Variants in CHRNA9 observed in about 807,000 individuals in gnomAD.
The protein encoded by CHRNA9 is neuronal acetylcholine receptor subunit alpha-9.
A neutral mutation model predicts 36.8 loss-of-function variants in CHRNA9; 24 were observed. The observed-to-expected ratio is 0.65, with a 90% CI of 0.47 to 0.92. The LOEUF is 0.92. CHRNA9 is among the 40% of genes least tolerant of loss of function. The probability of loss-of-function intolerance (pLI) is 0.00; values close to 1 mark genes in which losing one functional copy is unlikely to be tolerated. For synonymous variants in CHRNA9, 231 were observed against 231.8 expected (o/e 1.00, Z 0.03); for missense variants, 610 against 601.2 (o/e 1.01, Z -0.15).
intron 4 of CHRNA9, among the ~76,000 whole-genome samples, chr4:40,353,319 C>T (rs769956690): frequency 1.5e-4 from 23 of 152,164 alleles, no homozygotes; most frequent in Non-Finnish European, 3.2e-4. Context: ...GGCGAAACCC[C>T]CTCTCTACTA....
chr4:40,339,287 A>G (rs1051612435), intron 3 of CHRNA9, among the ~76,000 whole-genome samples: 3 of 150,402 alleles, frequency 2.0e-5, no homozygotes, highest in African/African-American at 7.3e-5. Flanking sequence ...CTCAAAAAAA[A>G]AAAAAAAAAA....
At chr4:40,341,287 T>A (rs1021701515) in intron 3 of CHRNA9, among the ~76,000 whole-genome samples, 1 of 151,828 alleles carries the variant, frequency 6.6e-6, no homozygotes, top group Admixed American at 6.6e-5. Context: ...TTTTTTTTTG[T>A]TTTTTGGCGG....
chr4:40,336,966 G>A (rs1158198092), intron 2 of CHRNA9, among the ~76,000 whole-genome samples: 1 of 152,074 alleles, frequency 6.6e-6, no homozygotes, highest in Admixed American at 6.5e-5. Flanking sequence ...GTTGATCTAT[G>A]CAAAGATATC....
chr4:40,349,080 C>T lies in CHRNA9; in HGVS notation c.564C>T (p.Ala188=), dbSNP rs751975526. The T allele has an allele frequency of 6.2e-7, 1 of 1,614,178 alleles. No individual in the cohort carries two copies. Among genetic ancestry groups the T allele is most frequent in the South Asian group, 1.1e-5 (1 of 91,078 alleles). ...YNGNQVDIFN[A]LDSGDLSDFI... ...GCAATCAGGTGGACATATTCAACGC[C>T]TTGGACAGCGGAGATCTCTCTGACT... is the stretch of plus-strand genomic sequence containing the variant. The change falls in exon 4 of 5, where the codon GCC becomes GCT. Residue 188 remains alanine (A), a synonymous_variant. Coordinates refer to ENST00000310169, the MANE Select transcript of CHRNA9 (RefSeq NM_017581.4).
intron 3 of CHRNA9, among the ~76,000 whole-genome samples, chr4:40,339,675 A>AAC (rs1553868861): frequency 1.3e-5 from 2 of 150,710 alleles, no homozygotes; most frequent in African/African-American, 4.9e-5. Context: ...AAAAAAAAAA[A>AAC]AAAAAAGGCG....
chr4:40,337,568 A>G (rs947443743), intron 3 of CHRNA9, among the ~76,000 whole-genome samples: 1 of 152,216 alleles, frequency 6.6e-6, no homozygotes, highest in Non-Finnish European at 1.5e-5. Context: ...GAAACCATCC[A>G]TCTACATGCC....
intron 4 of CHRNA9, among the ~76,000 whole-genome samples, chr4:40,351,569 C>T (rs1712807066): frequency 6.6e-6 from 1 of 152,146 alleles, no homozygotes; most frequent in Admixed American, 6.5e-5. Flanking sequence ...ATGGAGTGTG[C>T]TCACAATATT....
intron 4 of CHRNA9, among the ~76,000 whole-genome samples, chr4:40,353,336 C>T (rs1712856352): frequency 6.6e-6 from 1 of 151,986 alleles, no homozygotes; most frequent in Non-Finnish European, 1.5e-5. Context: ...ACTAAAAATA[C>T]AAAAATTAGC....
intron 2 of CHRNA9, among the ~76,000 whole-genome samples, chr4:40,336,263 G>C (rs997380716): frequency 6.6e-6 from 1 of 152,172 alleles, no homozygotes; most frequent in African/African-American, 2.4e-5. Context: ...AGGTAAATCC[G>C]TAGAGACAGA....
At position 40,354,500 on chromosome 4, in the gene CHRNA9, A is replaced by G; in HGVS notation, c.1420A>G (p.Ile474Val). The change falls in exon 5 of 5, where the codon ATC (isoleucine) becomes GTC (valine). Residue 474 changes from isoleucine to valine, a missense_variant. Physicochemically the swap from Ile to Val is conservative, Grantham distance 29. Coordinates refer to ENST00000310169, the MANE Select transcript of CHRNA9 (RefSeq NM_017581.4). ...TATGGTGTTTGTGATGACTATTTTG[A>G]TCATAGCAAGAGCGGATTAGTCACA... ...FIMVFVMTILIIARAD is the reference protein window; with the variant it reads ...FIMVFVMTILVIARAD 2.5e-6 allele frequency: 4 copies of G among 1,612,464 alleles called. No homozygotes were observed. The highest frequency in any genetic ancestry group is 2.2e-5 in the East Asian group (1 of 44,862).
chr4:40,353,218 CG>C (rs551730057), intron 4 of CHRNA9, among the ~76,000 whole-genome samples: 29 of 152,084 alleles, frequency 1.9e-4, no homozygotes, highest in African/African-American at 7.0e-4. Flanking sequence ...TAGCCCGGCG[CG>C]GTGGCTCACG....
intron 4 of CHRNA9, among the ~76,000 whole-genome samples, chr4:40,352,922 C>T (rs932789654): frequency 2.9e-4 from 44 of 152,126 alleles, no homozygotes; most frequent in Non-Finnish European, 4.4e-4. Flanking sequence ...AAAAATTTTT[C>T]ACCTCATGAT....
rs145302023 is a variant in CHRNA9 at position 40,353,823 on chromosome 4, G to T, written c.899-156G>T. Among the ~76,000 whole-genome samples, 332 of 152,298 alleles carry T rather than the reference G, an allele frequency of 2.2e-3. 2 individuals carry two copies. The highest frequency in any genetic ancestry group is 7.5e-3 in the African/African-American group (313 of 41,560). Reference sequence around the variant, plus strand: ...GGTGTATAGAAGGCTAGACCATTTAGGTTTGTGTACATACACTCTTATGAT... The same window carrying T: ...GGTGTATAGAAGGCTAGACCATTTATGTTTGTGTACATACACTCTTATGAT... On this transcript the variant is annotated intron_variant, in intron 4 of 4. Coordinates refer to ENST00000310169, the MANE Select transcript of CHRNA9 (RefSeq NM_017581.4).
chr4:40,346,699 C>T (rs1477007590), intron 3 of CHRNA9, among the ~76,000 whole-genome samples: 1 of 151,962 alleles, frequency 6.6e-6, no homozygotes, highest in African/African-American at 2.4e-5. Flanking sequence ...CTCAGTCAGA[C>T]CATTAAAGTT....
intron 3 of CHRNA9, among the ~76,000 whole-genome samples, chr4:40,340,074 G>C (rs774664950): frequency 1.4e-4 from 22 of 152,138 alleles, no homozygotes; most frequent in African/African-American, 5.3e-4. Flanking sequence ...TTACTGAAAT[G>C]CTTCTTTGCA....
rs1299229713 is a variant in CHRNA9, at chr4:40,354,609, A to G, written c.*89A>G. 1.1e-5 allele frequency: 12 copies of G among 1,096,564 alleles called. No individual in the cohort carries two copies. Among genetic ancestry groups the G allele is most frequent in the African/African-American group, 4.7e-5 (3 of 63,824 alleles). The allele number at this position is 1,096,564 out of a possible 1,614,324, so 67.9% of individuals were successfully genotyped here. ...GTTCTTCCAAGATTTTTGTTCATCTATAATTTAGGGGTTATGTTGTCTGTG... is the reference window on the plus strand; with the variant it reads ...GTTCTTCCAAGATTTTTGTTCATCTGTAATTTAGGGGTTATGTTGTCTGTG... On this transcript the variant is annotated 3_prime_UTR_variant, in exon 5 of 5. Coordinates refer to ENST00000310169, the MANE Select transcript of CHRNA9 (RefSeq NM_017581.4).
intron 3 of CHRNA9, among the ~76,000 whole-genome samples, chr4:40,347,292 C>A (rs915745458): frequency 6.6e-6 from 1 of 152,154 alleles, no homozygotes; most frequent in African/African-American, 2.4e-5. Context: ...TCTGACCCAG[C>A]ACATCCTTTT....
intron 3 of CHRNA9, among the ~76,000 whole-genome samples, chr4:40,346,682 G>C (rs965861324): frequency 6.6e-6 from 1 of 152,142 alleles, no homozygotes; most frequent in Non-Finnish European, 1.5e-5. Context: ...CTTGGGTATG[G>C]AGTGAACTCA....
intron 3 of CHRNA9, among the ~76,000 whole-genome samples, chr4:40,337,799 T>G (rs1712371233): frequency 6.6e-6 from 1 of 152,116 alleles, no homozygotes; most frequent in Non-Finnish European, 1.5e-5. Flanking sequence ...TTGCTGGCAG[T>G]CTTTGGTGTT....
Sources: gnomAD v4.1 joint callset for allele counts (sites outside exome capture counted in the v4.1 genomes callset) on GRCh38, gnomAD v4.1.1 for gene constraint, MANE v1.5 for transcripts, NCBI Gene and HGNC (gene_info 2026-07-23, HGNC 2026-07-21) for gene names.